The following DMC1 variants were observed in gnomAD, a reference collection of about 807,000 sequenced individuals.
DMC1 encodes the protein meiotic recombination protein DMC1 homolog.
DMC1 carries 27 observed loss-of-function variants against 50.1 expected under a neutral mutation model. That is an observed-to-expected ratio of 0.54 (90% CI 0.40 to 0.74). The LOEUF (loss-of-function observed/expected upper bound fraction) is 0.74. DMC1 is among the 30% of genes least tolerant of loss of function. The pLI is 0.00. For synonymous variants in DMC1, 148 were observed against 136.1 expected, an observed-to-expected ratio of 1.09 and a Z score of -0.61; for missense variants, 295 against 420.2, an observed-to-expected ratio of 0.70 and a Z score of 2.60.
At chr22:38,516,097 G>A (rs1176522245), downstream of DMC1, among the ~76,000 whole-genome samples, 2 of 152,134 alleles carry the variant, frequency 1.3e-5, no homozygotes, top group African/African-American at 4.8e-5. Flanking sequence ...ATTGAACCCC[G>A]GCCTAGAAAA....
At chr22:38,552,547 G>T in intron 7 of DMC1, 119 bp downstream of exon 7, 1 of 816,616 alleles carries the variant, frequency 1.2e-6, no homozygotes. Context: ...ATCTGCCTGT[G>T]TTTTAGTTTC....
Position 38,539,376 on chromosome 22 carries a change from A to G in DMC1, c.531T>C (p.Phe177=), listed in dbSNP as rs2090255070. The G allele has an allele frequency of 6.2e-7, 1 of 1,614,078 alleles. No homozygotes were observed. Among genetic ancestry groups the G allele is most frequent in the Non-Finnish European group, 8.5e-7 (1 of 1,179,958 alleles). ...PDRLRDIADR[F]NVDHDAVLDN... ...CCAGTACTGCATCATGGTCTACATT[A>G]AAGCGATCAGCAATGTCCCTAAGGC... Residue 177 remains phenylalanine (F), a synonymous_variant, in exon 9 of 14, where the codon TTT becomes TTC. Coordinates refer to ENST00000216024, the MANE Select transcript of DMC1 (RefSeq NM_007068.4).
Position 38,520,044 on chromosome 22 carries a change from T to C in DMC1, c.999A>G (p.Gly333=). ...CCTACTCCTTGGCATCCCCAATTCCTCCAGCAGTTATTGCGAAGGTGGCTT... is the reference window on the plus strand; with the variant it reads ...CCTACTCCTTGGCATCCCCAATTCCCCCAGCAGTTATTGCGAAGGTGGCTT... ...ENEATFAITA[G]GIGDAKE is the part of the protein sequence containing the mutation. Residue 333 remains glycine, a synonymous_variant, in exon 14 of 14, where the codon GGA becomes GGG. Transcript: ENST00000216024. 2 of 1,613,690 alleles carry C rather than the reference T, an allele frequency of 1.2e-6. No homozygotes were observed. The highest frequency in any genetic ancestry group is 1.7e-6 in the Non-Finnish European group (2 of 1,179,692).
At chr22:38,551,570 T>C (rs1283981307) in intron 7 of DMC1, among the ~76,000 whole-genome samples, 1 of 152,066 alleles carries the variant, frequency 6.6e-6, no homozygotes, top group Non-Finnish European at 1.5e-5. Context: ...CTTCAGGAGA[T>C]CCTCCTGCCT....
At chr22:38,537,504 G>T in intron 12 of DMC1, 88 bp downstream of exon 12, 4 of 1,275,852 alleles carry the variant, frequency 3.1e-6, no homozygotes, top group Admixed American at 1.7e-5. Context: ...GAGCCACCGT[G>T]CCCGGCCTTG....
At chr22:38,509,585 C>T in the DMC1 span, among the ~76,000 whole-genome samples, 5 of 152,068 alleles carry the variant, frequency 3.3e-5, no homozygotes, top group Admixed American at 1.3e-4. Flanking sequence ...TGAAATTCAA[C>T]GGAACTGTTT....
intron 8 of DMC1, 31 bp downstream of exon 8, chr22:38,549,894 T>C (rs567225915): frequency 6.6e-7 from 1 of 1,509,250 alleles, no homozygotes; most frequent in Middle Eastern, 1.9e-4. Context: ...TATCACACTA[T>C]TATGTTAGCA....
At chr22:38,569,208 A>C (rs2090612825) in intron 1 of DMC1, 1 of 151,478 alleles carries the variant, frequency 6.6e-6, no homozygotes, top group African/African-American at 2.4e-5. Context: ...AAATTGGTGG[A>C]TCATAATATT....
intron 8 of DMC1, among the ~76,000 whole-genome samples, chr22:38,544,138 A>C (rs968547220): frequency 1.3e-5 from 2 of 152,340 alleles, no homozygotes; most frequent in Non-Finnish European, 2.9e-5. Context: ...AAACTACTCT[A>C]TAGGAAAAAA....
At chr22:38,526,292 C>T (rs1195691437) in intron 12 of DMC1, among the ~76,000 whole-genome samples, 1 of 151,976 alleles carries the variant, frequency 6.6e-6, no homozygotes, top group Non-Finnish European at 1.5e-5. Flanking sequence ...GCAATCTCCA[C>T]CTCCCGGGTT....
intron 8 of DMC1, among the ~76,000 whole-genome samples, chr22:38,544,695 A>G (rs925778637): frequency 6.6e-6 from 1 of 150,438 alleles, no homozygotes; most frequent in African/African-American, 2.5e-5. Flanking sequence ...GCGCGATCTC[A>G]GCTCACTGCA....
chr22:38,533,104 G>T (rs995998097), intron 12 of DMC1, among the ~76,000 whole-genome samples: 2 of 151,826 alleles, frequency 1.3e-5, no homozygotes, highest in African/African-American at 4.8e-5. Context: ...TTATAAAAGG[G>T]TCTTGAGGCC....
chr22:38,562,255 G>A (rs11570392), intron 5 of DMC1, 32 bp downstream of exon 5: 37,375 of 1,344,902 alleles, frequency 0.028, 1,105 homozygotes, highest in East Asian at 0.14. Flanking sequence ...CAAAGATTAT[G>A]CTTAGTGATT....
chr22:38,517,590 AAAC>A (rs1170095099), downstream of DMC1, among the ~76,000 whole-genome samples: 1 of 149,848 alleles, frequency 6.7e-6, no homozygotes, highest in Non-Finnish European at 1.5e-5. Flanking sequence ...ACAAAACAAA[AAAC>A]AAAACAAAAC....
chr22:38,529,191 A>G (rs1013995462), intron 12 of DMC1, among the ~76,000 whole-genome samples: 8 of 151,662 alleles, frequency 5.3e-5, no homozygotes, highest in Non-Finnish European at 1.2e-4. Flanking sequence ...TTGTATTTTT[A>G]GTAGAGACGG....
At chr22:38,551,753 T>C (rs1367509773) in intron 7 of DMC1, among the ~76,000 whole-genome samples, 2 of 152,090 alleles carry the variant, frequency 1.3e-5, no homozygotes, top group Non-Finnish European at 2.9e-5. Context: ...TCAATTTTAT[T>C]GGTGGGGGAA....
At chr22:38,539,663 T>C (rs890976231) in intron 8 of DMC1, among the ~76,000 whole-genome samples, 5 of 152,196 alleles carry the variant, frequency 3.3e-5, no homozygotes, top group Non-Finnish European at 7.3e-5. Context: ...TATTAAATTA[T>C]CAAAACTTTA....
In DMC1 at chr22:38,521,660, T is replaced by C; in HGVS notation, c.901A>G (p.Ile301Val). ...HILAHASTTR[I>V]SLRKGRGELR... is the part of the protein sequence containing the mutation. ...TCTCCTCTTCCCTTTCGCAAGCTTATTCTTGTTGTTGAAGCATGAGCCAGA... is the reference window on the plus strand; with the variant it reads ...TCTCCTCTTCCCTTTCGCAAGCTTACTCTTGTTGTTGAAGCATGAGCCAGA... Residue 301 changes from isoleucine to valine, a missense_variant, in exon 13 of 14, where the codon ATA (isoleucine) becomes GTA (valine). Transcript: ENST00000216024. 2 of 1,613,966 alleles carry C rather than the reference T, an allele frequency of 1.2e-6. No homozygotes were observed. The highest frequency in any genetic ancestry group is 1.7e-6 in the Non-Finnish European group (2 of 1,179,924).
At chr22:38,526,207 T>C (rs1413638517) in intron 12 of DMC1, among the ~76,000 whole-genome samples, 3 of 151,918 alleles carry the variant, frequency 2.0e-5, no homozygotes, top group African/African-American at 7.3e-5. Flanking sequence ...GTCAAATTTA[T>C]GGATTTTTTT....
Sources: allele counts gnomAD v4.1 joint callset (sites outside exome capture counted in the v4.1 genomes callset), GRCh38; gene constraint gnomAD v4.1.1; transcripts MANE v1.5; gene names NCBI Gene and HGNC (gene_info 2026-07-23, HGNC 2026-07-21).